LRRC4C: variants seen among roughly 807,000 people sequenced by gnomAD.
LRRC4C encodes leucine rich repeat containing 4C.
LRRC4C carries 5 observed loss-of-function variants against 33.6 expected under a neutral mutation model. The ratio of observed to expected loss-of-function variants is 0.15; its 90% CI spans 0.08 to 0.31. The LOEUF (loss-of-function observed/expected upper bound fraction) is 0.31, where lower values mean the gene tolerates loss of function less well. LRRC4C is among the 10% of genes least tolerant of loss of function. The pLI, the probability that LRRC4C is intolerant of heterozygous loss-of-function variation, is 1.00. For missense variants in LRRC4C, 560 were observed against 796.7 expected (o/e 0.70, Z 3.58); for synonymous variants, 329 against 302.0 (o/e 1.09, Z -0.93).
chr11:41,429,155 AG>A (rs977953160), intron 1 of LRRC4C, among the ~76,000 whole-genome samples: 2 of 152,086 alleles, frequency 1.3e-5, no homozygotes, highest in African/African-American at 4.8e-5. Flanking sequence ...ATAAGGTATA[AG>A]GGGCTTTTCC....
intron 1 of LRRC4C, among the ~76,000 whole-genome samples, chr11:41,429,298 C>G (rs1955152312): frequency 6.6e-6 from 1 of 152,112 alleles, no homozygotes; most frequent in Non-Finnish European, 1.5e-5. Flanking sequence ...AAACCTCTTT[C>G]CTTTATAAAT....
intron 5 of LRRC4C, among the ~76,000 whole-genome samples, chr11:40,200,575 G>T (rs112836352): frequency 2.6e-5 from 4 of 151,782 alleles, no homozygotes; most frequent in African/African-American, 9.7e-5. Flanking sequence ...GTGTCCTGCC[G>T]CATACCTGAA....
intron 2 of LRRC4C, among the ~76,000 whole-genome samples, chr11:40,827,696 A>T (rs1422068886): frequency 6.6e-6 from 1 of 151,780 alleles, no homozygotes; most frequent in South Asian, 2.1e-4. Flanking sequence ...TTTTCTCTTG[A>T]TGAATAATGA....
chr11:41,040,643 G>C (rs180702927), intron 1 of LRRC4C, among the ~76,000 whole-genome samples: 10 of 152,152 alleles, frequency 6.6e-5, no homozygotes, highest in African/African-American at 2.4e-4. Context: ...TAAAGGGAAA[G>C]TCTTGTGGTG....
At chr11:41,093,474 G>A (rs1940577250) in intron 1 of LRRC4C, among the ~76,000 whole-genome samples, 2 of 152,080 alleles carry the variant, frequency 1.3e-5, no homozygotes, top group African/African-American at 4.8e-5. Flanking sequence ...TAATTTTTTT[G>A]TTATTCTTCA....
Position 40,365,685 on chromosome 11 carries a change from T to C in LRRC4C, c.-269-45964A>G, listed in dbSNP as rs145213769. 9.5e-3 allele frequency among the ~76,000 whole-genome samples: 1,446 copies of C among 152,170 alleles called. 20 individuals carry two copies. The highest frequency in any genetic ancestry group is 0.033 in the African/African-American group (1,389 of 41,538). On this transcript the variant is annotated intron_variant, in intron 3 of 6. Transcript: ENST00000528697. ...AAATGTCATGAGTGGTGACTCAAGC[T>C]GATGATTGTCAGATATTCATGATGC...
intron 3 of LRRC4C, among the ~76,000 whole-genome samples, chr11:40,475,785 G>A (rs529649891): frequency 3.9e-5 from 6 of 152,062 alleles, no homozygotes; most frequent in Admixed American, 2.0e-4. Context: ...TTATCAGAAC[G>A]CCACTCCTAA....
chr11:40,136,042 T>G (rs1279395699), intron 6 of LRRC4C, among the ~76,000 whole-genome samples: 1 of 152,212 alleles, frequency 6.6e-6, no homozygotes, highest in Non-Finnish European at 1.5e-5. Context: ...TGGAAATTAC[T>G]GCCCATAGGC....
chr11:40,476,346 T>C lies in LRRC4C; in HGVS notation c.-269-156625A>G, dbSNP rs7108121. Among the ~76,000 whole-genome samples, 127 of 42,312 alleles carry C rather than the reference T, an allele frequency of 3.0e-3. 1 individual carries two copies. The highest frequency in any genetic ancestry group is 3.3e-3 in the Admixed American group (11 of 3,286). The allele number at this position is 42,312 out of a possible 152,430, so 27.8% of individuals were successfully genotyped here. On this transcript the variant is annotated intron_variant, in intron 3 of 6. Transcript: ENST00000528697. Reference sequence around the variant, plus strand: ...TGAGTGCACATTTTTTTTCTTCTTTTTTTTTTTTTTTTTTTTTTTGAGACA... The same window carrying C: ...TGAGTGCACATTTTTTTTCTTCTTTCTTTTTTTTTTTTTTTTTTTGAGACA...
At chr11:40,157,574 C>T (rs1437291145) in intron 5 of LRRC4C, among the ~76,000 whole-genome samples, 2 of 152,010 alleles carry the variant, frequency 1.3e-5, no homozygotes, top group Non-Finnish European at 2.9e-5. Context: ...AAAAAACAAA[C>T]AATCCCATCA....
At chr11:41,206,072 G>GAAA (rs1183551354) in intron 1 of LRRC4C, among the ~76,000 whole-genome samples, 1 of 152,178 alleles carries the variant, frequency 6.6e-6, no homozygotes, top group South Asian at 2.1e-4. Context: ...ATACAACATA[G>GAAA]AAAAGCTTTT....
chr11:41,101,444 G>A (rs539102562), intron 1 of LRRC4C, among the ~76,000 whole-genome samples: 13 of 152,214 alleles, frequency 8.5e-5, no homozygotes, highest in African/African-American at 2.6e-4. Flanking sequence ...AAACCACAAT[G>A]AGATACCAGC....
At chr11:40,463,429 T>G (rs920345059) in intron 3 of LRRC4C, among the ~76,000 whole-genome samples, 1 of 151,668 alleles carries the variant, frequency 6.6e-6, no homozygotes, top group Non-Finnish European at 1.5e-5. Context: ...CTATAGATAC[T>G]GAGTTTAATT....
chr11:41,190,610 C>T (rs1444823060), intron 1 of LRRC4C, among the ~76,000 whole-genome samples: 1 of 152,160 alleles, frequency 6.6e-6, no homozygotes, highest in East Asian at 1.9e-4. Context: ...AATGCGGATG[C>T]ATTGGCTAAA....
At chr11:40,364,254 G>T (rs1416253476) in intron 3 of LRRC4C, among the ~76,000 whole-genome samples, 1 of 151,954 alleles carries the variant, frequency 6.6e-6, no homozygotes, top group African/African-American at 2.4e-5. Context: ...AAAAAAATCA[G>T]CCAATGAAAC....
intron 2 of LRRC4C, among the ~76,000 whole-genome samples, chr11:40,668,933 T>TATAAGGGC (rs1943947789): frequency 6.6e-6 from 1 of 152,270 alleles, no homozygotes; most frequent in Admixed American, 6.5e-5. Flanking sequence ...AGTGATAACT[T>TATAAGGGC]ATAAGGGCAA....
At chr11:40,339,021 A>C (rs759657731) in intron 3 of LRRC4C, among the ~76,000 whole-genome samples, 11 of 152,194 alleles carry the variant, frequency 7.2e-5, no homozygotes, top group Admixed American at 1.3e-4. Flanking sequence ...GTTACAAAGG[A>C]CCAGAGGGTG....
At chr11:40,121,001 A>G (rs1398849731) in intron 6 of LRRC4C, among the ~76,000 whole-genome samples, 1 of 152,202 alleles carries the variant, frequency 6.6e-6, no homozygotes, top group Non-Finnish European at 1.5e-5. Context: ...ATGTAAAGTT[A>G]CTGACTCATA....
intron 5 of LRRC4C, among the ~76,000 whole-genome samples, chr11:40,174,942 A>C (rs1565090450): frequency 6.6e-6 from 1 of 152,232 alleles, no homozygotes; most frequent in Non-Finnish European, 1.5e-5. Flanking sequence ...TAAACCCACA[A>C]ATTTCAACTA....
Sources: allele counts gnomAD v4.1 joint callset (sites outside exome capture counted in the v4.1 genomes callset), GRCh38; gene constraint gnomAD v4.1.1; transcripts MANE v1.5; gene names NCBI Gene and HGNC (gene_info 2026-07-23, HGNC 2026-07-21).